AGMO: variants seen among roughly 807,000 people sequenced by gnomAD.
AGMO encodes alkylglycerol monooxygenase.
Under a neutral mutation model 60.2 loss-of-function variants are expected in AGMO, and 75 were observed. The observed-to-expected ratio is 1.25, with a 90% CI of 1.03 to 1.51. The LOEUF is 1.51. Among genes scored for constraint, AGMO ranks in the 40% most tolerant of loss-of-function variants. The pLI is 0.00. For synonymous variants in AGMO, 261 were observed against 177.1 expected (o/e 1.47, Z -3.76); for missense variants, 763 against 525.5 (o/e 1.45, Z -4.42).
chr7:15,493,365 CTTTTTTTT>C (rs71004387), intron 3 of AGMO, among the ~76,000 whole-genome samples: 32 of 66,644 alleles, frequency 4.8e-4, no homozygotes, highest in Non-Finnish European at 4.9e-4. Context: ...ACACACACTT[CTTTTTTTT>C]TTTTTTTTTT....
the AGMO span, among the ~76,000 whole-genome samples, chr7:15,172,479 T>G: frequency 0.17 from 25,982 of 152,170 alleles, 2,255 homozygotes; most frequent in East Asian, 0.22. Context: ...GCAGATTCAG[T>G]AATCATGCCT....
At chr7:15,399,494 AT>A (rs1006496231) in intron 5 of AGMO, among the ~76,000 whole-genome samples, 37 of 152,280 alleles carry the variant, frequency 2.4e-4, no homozygotes, top group African/African-American at 7.7e-4. Context: ...TTTGGGGCAC[AT>A]TTTTTAAAAC....
At chr7:15,286,497 A>C (rs1784103911) in intron 12 of AGMO, among the ~76,000 whole-genome samples, 1 of 152,102 alleles carries the variant, frequency 6.6e-6, no homozygotes, top group African/African-American at 2.4e-5. Flanking sequence ...AATCATCAAG[A>C]AAATTCAAAT....
chr7:15,353,093 G>C (rs1459634557), intron 12 of AGMO, among the ~76,000 whole-genome samples: 1 of 152,054 alleles, frequency 6.6e-6, no homozygotes, highest in Non-Finnish European at 1.5e-5. Flanking sequence ...TTTTTAAAAA[G>C]GTGGGAAGGG....
chr7:15,394,190 C>T lies in AGMO; in HGVS notation c.610-11G>A, dbSNP rs1784273042. 1.3e-6 allele frequency: 2 copies of T among 1,569,268 alleles called. No individual in the cohort carries two copies. The highest frequency in any genetic ancestry group is 1.8e-6 in the Non-Finnish European group (2 of 1,140,324). On this transcript the variant is annotated splice_polypyrimidine_tract_variant and intron_variant, in intron 5 of 12. Transcript: ENST00000342526. ...AAGGTTATTGATGACCTGTTTAAAA[C>T]AGAAGGAATATTTATACATGTAGTT...
intron 10 of AGMO, among the ~76,000 whole-genome samples, chr7:15,383,117 A>G (rs1441208236): frequency 6.6e-6 from 1 of 152,042 alleles, no homozygotes. Flanking sequence ...AGATTCGTTC[A>G]GTGATGTACA....
chr7:15,333,504 C>G (rs1304621939), intron 12 of AGMO, among the ~76,000 whole-genome samples: 1 of 150,798 alleles, frequency 6.6e-6, no homozygotes, highest in Non-Finnish European at 1.5e-5. Context: ...GTAAGTTTCA[C>G]TGTGTTTAGC....
chr7:15,406,671 CATATATA>C, intron 5 of AGMO, among the ~76,000 whole-genome samples: 1 of 63,698 alleles, frequency 1.6e-5, no homozygotes, highest in African/African-American at 6.0e-5. Flanking sequence ...ATGGAATATA[CATATATA>C]TGTGTATATA....
rs1423855927 is a variant in AGMO at position 15,299,873 on chromosome 7, AC to A, written c.1263+65640del. 3.9e-3 allele frequency among the ~76,000 whole-genome samples: 548 copies of A among 139,348 alleles called. 12 individuals are homozygous for A. The highest frequency in any genetic ancestry group is 0.01 in the Middle Eastern group (3 of 286). 91.4% of individuals were successfully genotyped at this position (139,348 alleles called of 152,430 possible). ...CACACACACACACACACACACACAC[AC>A]ACACACACACACAGTATGTTTTGTG... On this transcript the variant is annotated intron_variant, in intron 12 of 12. Transcript: ENST00000342526.
At chr7:15,525,303 TTGGATAAATCTGCG>T (rs2128537761) in intron 3 of AGMO, among the ~76,000 whole-genome samples, 1 of 152,224 alleles carries the variant, frequency 6.6e-6, no homozygotes, top group East Asian at 1.9e-4. Context: ...AGTCACAATC[TTGGATAAATCTGCG>T]GACTAGATTG....
chr7:15,477,460 T>C (rs1782627809), intron 3 of AGMO, among the ~76,000 whole-genome samples: 1 of 152,130 alleles, frequency 6.6e-6, no homozygotes, highest in African/African-American at 2.4e-5. Flanking sequence ...ATAATCGATG[T>C]GAATGAATGA....
chr7:15,366,096 G>C (rs374734601), intron 11 of AGMO, 44 bp downstream of exon 11: 73 of 1,458,586 alleles, frequency 5.0e-5, no homozygotes, highest in Non-Finnish European at 6.3e-5. Flanking sequence ...GAAAATTCTT[G>C]AATTGAGTAA....
intron 5 of AGMO, among the ~76,000 whole-genome samples, chr7:15,416,432 T>A (rs1780773419): frequency 6.6e-6 from 1 of 152,198 alleles, no homozygotes; most frequent in Admixed American, 6.5e-5. Context: ...TCACAGTCTT[T>A]CAAAAATGTG....
the AGMO span, among the ~76,000 whole-genome samples, chr7:15,179,348 TCAAA>T: frequency 1.3e-5 from 2 of 152,080 alleles, no homozygotes; most frequent in Admixed American, 1.3e-4. Context: ...GCCTGTGAAA[TCAAA>T]CAAATTATCT....
intron 3 of AGMO, among the ~76,000 whole-genome samples, chr7:15,476,310 A>G (rs1232847456): frequency 6.6e-6 from 1 of 152,072 alleles, no homozygotes; most frequent in Non-Finnish European, 1.5e-5. Flanking sequence ...TAATCCACAT[A>G]TGGATTGTAT....
At chr7:15,220,045 T>C (rs1420107243) in intron 12 of AGMO, among the ~76,000 whole-genome samples, 1 of 152,102 alleles carries the variant, frequency 6.6e-6, no homozygotes, top group Non-Finnish European at 1.5e-5. Flanking sequence ...CAGGCCTCAA[T>C]GATACCTTGC....
At chr7:15,545,856 C>T (rs928873195) in intron 2 of AGMO, among the ~76,000 whole-genome samples, 1 of 151,362 alleles carries the variant, frequency 6.6e-6, no homozygotes, top group Non-Finnish European at 1.5e-5. Flanking sequence ...TTGACTTTTC[C>T]TTCTATATTT....
intron 12 of AGMO, among the ~76,000 whole-genome samples, chr7:15,284,805 T>A (rs2128519967): frequency 6.6e-6 from 1 of 152,002 alleles, no homozygotes; most frequent in African/African-American, 2.4e-5. Context: ...ATATCCCTGA[T>A]AAATACAGAT....
rs533461798 is a variant in AGMO at position 15,461,706 on chromosome 7, A to G, written c.410-30598T>C. Among the ~76,000 whole-genome samples, 3 of 152,208 alleles carry G rather than the reference A, an allele frequency of 2.0e-5. No individual in the cohort carries two copies. In the South Asian group the frequency reaches 6.2e-4, roughly 32 times the overall value. On this transcript the variant is annotated intron_variant, in intron 3 of 12. Coordinates refer to ENST00000342526, the MANE Select transcript of AGMO (RefSeq NM_001004320.2). Reference sequence around the variant, plus strand: ...AGAAGGAAAGCACACTCAGTAAATGATTCAGGATTTTAGAATTCGTTTCCC... The same window carrying G: ...AGAAGGAAAGCACACTCAGTAAATGGTTCAGGATTTTAGAATTCGTTTCCC...
Sources: allele counts gnomAD v4.1 joint callset (sites outside exome capture counted in the v4.1 genomes callset), GRCh38; gene constraint gnomAD v4.1.1; transcripts MANE v1.5; gene names NCBI Gene and HGNC (gene_info 2026-07-23, HGNC 2026-07-21).